Variants in FHIT observed in about 807,000 individuals in gnomAD.
The protein encoded by FHIT is fragile histidine triad diadenosine triphosphatase.
Under a neutral mutation model 17.9 loss-of-function variants are expected in FHIT, and 19 were observed. The observed-to-expected ratio is 1.06, with a 90% confidence interval of 0.74 to 1.56. The LOEUF is 1.56. FHIT is among the 40% of genes most tolerant of loss of function. The pLI, the probability that FHIT is intolerant of heterozygous loss-of-function variation, is 0.00. For synonymous variants in FHIT, 81 were observed against 69.7 expected, an observed-to-expected ratio of 1.16 and a Z score of -0.81; for missense variants, 248 against 189.2, an observed-to-expected ratio of 1.31 and a Z score of -1.82.
intron 1 of FHIT, among the ~76,000 whole-genome samples, chr3:61,201,655 G>A (rs1364324945): frequency 1.3e-5 from 2 of 152,120 alleles, no homozygotes; most frequent in East Asian, 3.9e-4. Flanking sequence ...CCAAAGAACA[G>A]GTCAGACTTA....
At chr3:59,978,884 G>A (rs1708528661) in intron 7 of FHIT, among the ~76,000 whole-genome samples, 1 of 151,846 alleles carries the variant, frequency 6.6e-6, no homozygotes, top group Non-Finnish European at 1.5e-5. Context: ...CCAGGTTACT[G>A]CTTCCCAGAC....
intron 4 of FHIT, among the ~76,000 whole-genome samples, chr3:60,591,754 G>A (rs1010563323): frequency 5.3e-5 from 8 of 152,050 alleles, no homozygotes; most frequent in Admixed American, 2.6e-4. Flanking sequence ...ATACACGGCA[G>A]AAGAGGGTGC....
chr3:60,011,633 C>T (rs559910981), intron 6 of FHIT, among the ~76,000 whole-genome samples: 1 of 152,274 alleles, frequency 6.6e-6, no homozygotes, highest in East Asian at 1.9e-4. Context: ...CAAGCCAACT[C>T]CTTGCTACTT....
chr3:60,702,202 G>A (rs1553702360), intron 4 of FHIT, among the ~76,000 whole-genome samples: 1 of 151,992 alleles, frequency 6.6e-6, no homozygotes, highest in African/African-American at 2.4e-5. Flanking sequence ...TCATATATTT[G>A]GATCTGTTTC....
chr3:60,410,841 A>C (rs1702033447), intron 5 of FHIT, among the ~76,000 whole-genome samples: 1 of 152,154 alleles, frequency 6.6e-6, no homozygotes, highest in African/African-American at 2.4e-5. Context: ...TTATTTAATG[A>C]CTTCCTGCAA....
chr3:59,884,705 A>T (rs17364716), intron 8 of FHIT, among the ~76,000 whole-genome samples: 7,718 of 152,254 alleles, frequency 0.051, 244 homozygotes, highest in Non-Finnish European at 0.072. Context: ...ACGCTATGGG[A>T]CAGTAGGAAA....
chr3:61,024,847 T>C (rs1266482275), intron 3 of FHIT, among the ~76,000 whole-genome samples: 1 of 152,174 alleles, frequency 6.6e-6, no homozygotes. Context: ...CAGGAAACAT[T>C]CTTTATAGAG....
In FHIT at chr3:59,922,388, C is replaced by G. The variant is rs762090557; in HGVS notation, c.306G>C (p.Arg102Ser). ...CATTCCTGTGAAAGTCTCCAGCCTT[C>G]CTGGGAAGAACATGGACGTGAACGT... ...VKHVHVHVLP[R>S]KAGDFHRNDS... is the part of the protein sequence containing the mutation. The change falls in exon 8 of 10, where the codon AGG (arginine) becomes AGC (serine). Residue 102 changes from arginine to serine, a missense_variant. Arg to Ser is a moderately radical substitution (Grantham distance 110). Transcript: ENST00000492590. 60 of 1,613,820 alleles carry G rather than the reference C, an allele frequency of 3.7e-5. No individual in the cohort carries two copies. Among genetic ancestry groups the G allele is most frequent in the Middle Eastern group, 1.6e-4 (1 of 6,082 alleles).
intron 5 of FHIT, among the ~76,000 whole-genome samples, chr3:60,451,911 A>G (rs11916801): frequency 0.023 from 3,549 of 152,216 alleles, 124 homozygotes; most frequent in African/African-American, 0.081. Context: ...TTAGGCCCAC[A>G]TGGGACCCTG....
chr3:60,130,288 T>A (rs935997464), intron 5 of FHIT, among the ~76,000 whole-genome samples: 14 of 152,234 alleles, frequency 9.2e-5, no homozygotes, highest in Admixed American at 9.2e-4. Flanking sequence ...GAAACCTTTC[T>A]AATTCTGAAA....
rs142874968 is a variant in FHIT at position 60,022,254 on chromosome 3, G to A, written c.104-8102C>T. Among the ~76,000 whole-genome samples the A allele has an allele frequency of 3.9e-3, 601 of 152,284 alleles. 3 individuals are homozygous for A. Among genetic ancestry groups the A allele is most frequent in the African/African-American group, 0.014 (563 of 41,568 alleles). ...TGGGCAAAGAAAGAGAGCATTCTGTGAAATGAAATATGCTGAGAAGTTGAG... is the reference window on the plus strand; with the variant it reads ...TGGGCAAAGAAAGAGAGCATTCTGTAAAATGAAATATGCTGAGAAGTTGAG... On this transcript the variant is annotated intron_variant, in intron 5 of 9. Coordinates refer to ENST00000492590, the MANE Select transcript of FHIT (RefSeq NM_002012.4).
intron 4 of FHIT, chr3:60,553,359 A>C (rs2036622338): frequency 1.0e-6 from 1 of 976,216 alleles, no homozygotes; most frequent in African/African-American, 1.8e-5. Flanking sequence ...TTGTGTTTTT[A>C]CGTAATGTGA....
intron 5 of FHIT, among the ~76,000 whole-genome samples, chr3:60,246,873 C>G (rs1018102535): frequency 6.6e-6 from 1 of 152,076 alleles, no homozygotes; most frequent in Admixed American, 6.6e-5. Flanking sequence ...AAATGATTCT[C>G]CTAAACAGCT....
chr3:61,044,550 A>G (rs1156602571), intron 2 of FHIT, among the ~76,000 whole-genome samples: 2 of 152,058 alleles, frequency 1.3e-5, no homozygotes, highest in Admixed American at 6.6e-5. Context: ...CCAAGTTGGA[A>G]AACACTCTGC....
chr3:61,015,534 G>C (rs1471459996), intron 3 of FHIT, among the ~76,000 whole-genome samples: 1 of 152,156 alleles, frequency 6.6e-6, no homozygotes, highest in Non-Finnish European at 1.5e-5. Flanking sequence ...GAACTTGGAG[G>C]CATGCCTTCA....
intron 7 of FHIT, 96 bp from the exon 8 acceptor site, chr3:59,922,510 T>C: frequency 1.0e-6 from 1 of 964,580 alleles, no homozygotes; most frequent in Admixed American, 2.3e-5. Context: ...TACTCCACGA[T>C]GGTTCCTGCT....
At chr3:60,356,872 G>C (rs935197875) in intron 5 of FHIT, among the ~76,000 whole-genome samples, 1 of 151,406 alleles carries the variant, frequency 6.6e-6, no homozygotes, top group African/African-American at 2.4e-5. Context: ...CATCTTTCAG[G>C]CAGAGAACAT....
At chr3:61,033,689 C>A (rs569492457) in intron 3 of FHIT, among the ~76,000 whole-genome samples, 1 of 152,298 alleles carries the variant, frequency 6.6e-6, no homozygotes, top group East Asian at 1.9e-4. Flanking sequence ...TAGAAAAACT[C>A]TGTTCTTACT....
At chr3:60,187,098 T>A (rs1432344333) in intron 5 of FHIT, among the ~76,000 whole-genome samples, 1 of 152,112 alleles carries the variant, frequency 6.6e-6, no homozygotes, top group African/African-American at 2.4e-5. Flanking sequence ...TTTCAGAGGG[T>A]CCTGTGGGGG....
Sources: allele counts gnomAD v4.1 joint callset (sites outside exome capture counted in the v4.1 genomes callset), GRCh38; gene constraint gnomAD v4.1.1; transcripts MANE v1.5; gene names NCBI Gene and HGNC (gene_info 2026-07-23, HGNC 2026-07-21).